Variants in WWTR1 observed in about 807,000 individuals in gnomAD.
The protein encoded by WWTR1 is WW domain-containing transcription regulator protein 1.
WWTR1 carries 13 observed loss-of-function variants against 40.1 expected under a neutral mutation model. The ratio of observed to expected loss-of-function variants is 0.32; its 90% CI spans 0.21 to 0.52. The LOEUF (loss-of-function observed/expected upper bound fraction) is 0.52. Ranked by LOEUF, WWTR1 falls within the 20% of genes least tolerant of loss-of-function variation. WWTR1 has a pLI of 0.97. For synonymous variants in WWTR1, 230 were observed against 210.1 expected (o/e 1.09, Z -0.82); for missense variants, 436 against 523.1 (o/e 0.83, Z 1.63).
intron 4 of WWTR1, among the ~76,000 whole-genome samples, chr3:149,535,611 C>T (rs562400146): frequency 1.3e-5 from 2 of 151,686 alleles, no homozygotes; most frequent in East Asian, 3.9e-4. Flanking sequence ...ACTCAGAGTG[C>T]ATAAAGCAAA....
intron 1 of WWTR1, among the ~76,000 whole-genome samples, chr3:149,697,975 C>A (rs555183885): frequency 7.2e-5 from 11 of 152,340 alleles, no homozygotes; most frequent in African/African-American, 2.6e-4. Context: ...CCAAGTCCTG[C>A]ATCCTGATGT....
chr3:149,583,615 A>G (rs532830902), intron 2 of WWTR1, among the ~76,000 whole-genome samples: 8 of 152,334 alleles, frequency 5.3e-5, no homozygotes, highest in South Asian at 4.1e-4. Context: ...AGTAAGCCCA[A>G]TGCAGCCAGT....
intron 3 of WWTR1, among the ~76,000 whole-genome samples, chr3:149,558,405 G>C (rs931683752): frequency 6.6e-6 from 1 of 152,156 alleles, no homozygotes; most frequent in Non-Finnish European, 1.5e-5. Flanking sequence ...CATCCCGAGG[G>C]GAAGAGTTTA....
intron 2 of WWTR1, among the ~76,000 whole-genome samples, chr3:149,630,443 C>G (rs917042586): frequency 6.6e-6 from 1 of 152,158 alleles, no homozygotes; most frequent in African/African-American, 2.4e-5. Flanking sequence ...TAAACTGTTT[C>G]CACTCTCCTA....
intron 1 of WWTR1, among the ~76,000 whole-genome samples, chr3:149,684,083 T>C (rs1168703220): frequency 6.6e-6 from 1 of 152,246 alleles, no homozygotes; most frequent in African/African-American, 2.4e-5. Flanking sequence ...GGTATATTAC[T>C]ATTTGTGTTT....
At chr3:149,712,585 G>A (rs939497012) in intron 5 of WWTR1, among the ~76,000 whole-genome samples, 13 of 152,100 alleles carry the variant, frequency 8.5e-5, no homozygotes, top group Admixed American at 6.6e-5. Context: ...AAAAGTAAGT[G>A]CGACCTGCAA....
Position 149,609,803 on chromosome 3 carries a change from G to T in WWTR1, c.432-36803C>A, listed in dbSNP as rs73868039. Among the ~76,000 whole-genome samples, 1,211 of 152,302 alleles carry T rather than the reference G, an allele frequency of 8.0e-3. 18 individuals are homozygous for T. The highest frequency in any genetic ancestry group is 0.027 in the African/African-American group (1,130 of 41,552). On this transcript the variant is annotated intron_variant, in intron 2 of 6. Coordinates refer to ENST00000360632, the MANE Select transcript of WWTR1 (RefSeq NM_015472.6). ...ACTCACATGCTATTTCCTCTTCTTT[G>T]ATTACTGAAACTCCACAGCAAACTA...
chr3:149,649,215 C>T (rs1250906297), intron 2 of WWTR1: 1 of 152,242 alleles, frequency 6.6e-6, no homozygotes, highest in African/African-American at 2.4e-5. Flanking sequence ...TGGTTTCGAA[C>T]TCCTGACCTC....
chr3:149,667,546 TCAAA>T (rs758607501), intron 2 of WWTR1, among the ~76,000 whole-genome samples: 1 of 76,926 alleles, frequency 1.3e-5, no homozygotes. Context: ...AGACTCCATC[TCAAA>T]AAAAAAAAAA....
At chr3:149,706,360 C>T (rs2108227669), upstream of WWTR1, among the ~76,000 whole-genome samples, 1 of 152,068 alleles carries the variant, frequency 6.6e-6, no homozygotes, top group South Asian at 2.1e-4. Flanking sequence ...CTCCTGTTGC[C>T]CAGGCTGGAG....
intron 2 of WWTR1, among the ~76,000 whole-genome samples, chr3:149,578,212 T>C (rs763261211): frequency 5.9e-5 from 9 of 152,044 alleles, no homozygotes; most frequent in Non-Finnish European, 1.2e-4. Flanking sequence ...GAGTCACATA[T>C]ACCTGGGTGC....
chr3:149,625,908 T>C (rs1740525015), intron 2 of WWTR1, among the ~76,000 whole-genome samples: 1 of 152,172 alleles, frequency 6.6e-6, no homozygotes, highest in South Asian at 2.1e-4. Context: ...ACCTCCTTAA[T>C]CACCTCCATG....
chr3:149,572,906 G>A lies in WWTR1; in HGVS notation c.526C>T (p.Pro176Ser). ...ACTGCCATGGACCTCTGAGGCACTG[G>A]TGTGGAACTGACGGCAGGGTGGAGG... ...MNLHPAVSSTPVPQRSMAVSQ... is the reference protein window; with the variant it reads ...MNLHPAVSSTSVPQRSMAVSQ... Residue 176 changes from proline to serine, a missense_variant, in exon 3 of 7, where the codon CCA becomes TCA. Pro to Ser is a moderately conservative substitution (Grantham distance 74). Transcript: ENST00000360632. 1 of 1,613,928 alleles carries A rather than the reference G, an allele frequency of 6.2e-7. No individual in the cohort carries two copies. The highest frequency in any genetic ancestry group is 8.5e-7 in the Non-Finnish European group (1 of 1,179,992).
At position 149,556,146 on chromosome 3, in the gene WWTR1, A is replaced by G. The variant is rs74646653; in HGVS notation, c.569-13609T>C. ...GTGGTGAGCACTGTGGTTGGCCTCTATTCCAGACTGATAGAAATCTCCTTC... is the reference window on the plus strand; with the variant it reads ...GTGGTGAGCACTGTGGTTGGCCTCTGTTCCAGACTGATAGAAATCTCCTTC... On this transcript the variant is annotated intron_variant, in intron 3 of 6. Coordinates refer to ENST00000360632, the MANE Select transcript of WWTR1 (RefSeq NM_015472.6). Among the ~76,000 whole-genome samples, 250 of 152,336 alleles carry G rather than the reference A, an allele frequency of 1.6e-3. 1 individual carries two copies. The highest frequency in any genetic ancestry group is 6.0e-3 in the African/African-American group (248 of 41,578).
At chr3:149,617,745 G>T (rs1197117448) in intron 2 of WWTR1, among the ~76,000 whole-genome samples, 2 of 152,168 alleles carry the variant, frequency 1.3e-5, no homozygotes, top group African/African-American at 2.4e-5. Flanking sequence ...GGTTAACAGT[G>T]AGCAGGGATT....
intron 2 of WWTR1, among the ~76,000 whole-genome samples, chr3:149,585,745 A>C (rs1034650999): frequency 6.6e-6 from 1 of 152,230 alleles, no homozygotes; most frequent in African/African-American, 2.4e-5. Context: ...TAAAAAGCAC[A>C]GTAAGATTGA....
chr3:149,572,919 G>C lies in WWTR1; in HGVS notation c.513C>G (p.Ala171=). ...QPLNHMNLHP[A]VSSTPVPQRS... ...TCTGAGGCACTGGTGTGGAACTGAC[G>C]GCAGGGTGGAGGTTCATATGATTCA... Residue 171 remains alanine (A), a synonymous_variant, in exon 3 of 7, where the codon GCC becomes GCG. Coordinates refer to ENST00000360632, the MANE Select transcript of WWTR1 (RefSeq NM_015472.6). The C allele has an allele frequency of 6.2e-7, 1 of 1,613,898 alleles. No individual in the cohort carries two copies.
rs1737685832 is a variant in WWTR1, at chr3:149,572,494, G to A, written c.568+370C>T. Among the ~76,000 whole-genome samples, 7 of 152,206 alleles carry A rather than the reference G, an allele frequency of 4.6e-5. No homozygotes were observed. The South Asian group carries it at 1.5e-3, about 32-fold the overall frequency. The stretch of plus-strand genomic sequence containing the variant: ...GGTCAGAACTGTAGTTTAAAACTGA[G>A]GCAGCAGTATCATGAGTTGGTGGTA... On this transcript the variant is annotated intron_variant, in intron 3 of 6. Coordinates refer to ENST00000360632, the MANE Select transcript of WWTR1 (RefSeq NM_015472.6).
chr3:149,536,427 A>G (rs997888671), intron 4 of WWTR1, among the ~76,000 whole-genome samples: 1 of 152,074 alleles, frequency 6.6e-6, no homozygotes, highest in Non-Finnish European at 1.5e-5. Context: ...ATCTGCTCCA[A>G]TACGACACTC....
Sources: gnomAD v4.1 joint callset for allele counts (sites outside exome capture counted in the v4.1 genomes callset) on GRCh38, gnomAD v4.1.1 for gene constraint, MANE v1.5 for transcripts, NCBI Gene and HGNC (gene_info 2026-07-23, HGNC 2026-07-21) for gene names.